PIBF1: variants seen among roughly 807,000 people sequenced by gnomAD.
PIBF1 encodes progesterone-induced-blocking factor 1.
PIBF1 carries 90 observed loss-of-function variants against 112.5 expected under a neutral mutation model. That is an observed-to-expected ratio of 0.80 (90% CI 0.67 to 0.95). The LOEUF (loss-of-function observed/expected upper bound fraction) is 0.95, where lower values mean the gene tolerates loss of function less well. Among genes scored for constraint, PIBF1 ranks in the 40% least tolerant of loss-of-function variants. The probability of loss-of-function intolerance (pLI) is 0.00; values close to 1 mark genes in which losing one functional copy is unlikely to be tolerated. For synonymous variants in PIBF1, 301 were observed against 288.6 expected (o/e 1.04, Z -0.44); for missense variants, 915 against 852.3 (o/e 1.07, Z -0.92).
At chr13:72,951,341 T>C (rs1335696709) in intron 14 of PIBF1, among the ~76,000 whole-genome samples, 1 of 152,230 alleles carries the variant, frequency 6.6e-6, no homozygotes, top group Non-Finnish European at 1.5e-5. Context: ...AATCTCAGCT[T>C]TGGCAATTAC....
intron 6 of PIBF1, among the ~76,000 whole-genome samples, chr13:72,823,628 T>C (rs1455045795): frequency 6.6e-6 from 1 of 152,294 alleles, no homozygotes; most frequent in Non-Finnish European, 1.5e-5. Flanking sequence ...GGATGTTAAT[T>C]GTGTCATTAT....
chr13:72,971,206 A>ATG (rs58020080), intron 15 of PIBF1, among the ~76,000 whole-genome samples: 29 of 93,674 alleles, frequency 3.1e-4, no homozygotes, highest in East Asian at 8.4e-4. Context: ...GTGTGTGTGT[A>ATG]TGTGTGTGTG....
At chr13:72,869,785 G>T (rs1010040349) in intron 10 of PIBF1, among the ~76,000 whole-genome samples, 2 of 151,662 alleles carry the variant, frequency 1.3e-5, no homozygotes, top group African/African-American at 4.8e-5. Context: ...GCTAAAGGTT[G>T]TGGCTACTTA....
chr13:72,959,157 GGCTAATTT>G (rs2042537850), intron 14 of PIBF1, among the ~76,000 whole-genome samples: 1 of 151,368 alleles, frequency 6.6e-6, no homozygotes, highest in Admixed American at 6.6e-5. Flanking sequence ...CACCACACCA[GGCTAATTT>G]TTGTATTTTT....
chr13:72,821,337 A>G (rs2138121081), intron 5 of PIBF1, among the ~76,000 whole-genome samples: 1 of 152,324 alleles, frequency 6.6e-6, no homozygotes, highest in East Asian at 1.9e-4. Context: ...AGAACAATGT[A>G]AAGATGTGTT....
intron 15 of PIBF1, among the ~76,000 whole-genome samples, chr13:72,968,404 G>A (rs909543636): frequency 2.6e-5 from 4 of 151,182 alleles, no homozygotes; most frequent in Non-Finnish European, 5.9e-5. Context: ...AGGTTCAAGC[G>A]ATTCTCCTGT....
intron 14 of PIBF1, among the ~76,000 whole-genome samples, chr13:72,950,953 G>A (rs901488053): frequency 6.6e-6 from 1 of 152,216 alleles, no homozygotes; most frequent in Non-Finnish European, 1.5e-5. Context: ...AGTGAGTGCC[G>A]TGGTTTTTAA....
chr13:72,998,738 T>TTAAAAATATTTTAATATTAA (rs1271734906), intron 16 of PIBF1, 84 bp from the exon 17 acceptor site: 12 of 886,594 alleles, frequency 1.4e-5, no homozygotes, highest in Middle Eastern at 6.6e-4. Context: ...TTTCTTCTAC[T>TTAAAAATATTTTAATATTAA]TAAAAATATT....
chr13:72,810,805 A>G (rs2035969806), intron 5 of PIBF1, among the ~76,000 whole-genome samples: 3 of 152,132 alleles, frequency 2.0e-5, no homozygotes. Flanking sequence ...ATTTAGATTC[A>G]TAGCCACCTG....
chr13:72,959,324 C>T (rs1308910255), intron 14 of PIBF1, among the ~76,000 whole-genome samples: 1 of 152,034 alleles, frequency 6.6e-6, no homozygotes, highest in Non-Finnish European at 1.5e-5. Flanking sequence ...TTACATTTTC[C>T]CCAGCAATTG....
intron 12 of PIBF1, among the ~76,000 whole-genome samples, chr13:72,911,430 G>A (rs1255036916): frequency 6.6e-6 from 1 of 152,028 alleles, no homozygotes; most frequent in East Asian, 1.9e-4. Flanking sequence ...AAAAAAAATT[G>A]GACATCTTTA....
chr13:72,994,673 A>T (rs2043590399), intron 16 of PIBF1, among the ~76,000 whole-genome samples: 1 of 152,186 alleles, frequency 6.6e-6, no homozygotes, highest in Non-Finnish European at 1.5e-5. Context: ...AAATGCAAAC[A>T]ATGAGAGCGG....
At chr13:72,965,715 T>C (rs9573073) in intron 15 of PIBF1, among the ~76,000 whole-genome samples, 42,302 of 151,776 alleles carry the variant, frequency 0.28, 6,956 homozygotes, top group East Asian at 0.48. Context: ...GTGGTGTAGA[T>C]TGACCAGAGG....
intron 14 of PIBF1, among the ~76,000 whole-genome samples, chr13:72,951,382 C>T (rs2138855687): frequency 6.6e-6 from 1 of 152,258 alleles, no homozygotes; most frequent in Non-Finnish European, 1.5e-5. Context: ...AGTTTTTTAA[C>T]TTCTTTGGTT....
chr13:73,000,584 G>A (rs2043828608), intron 17 of PIBF1, among the ~76,000 whole-genome samples: 1 of 152,166 alleles, frequency 6.6e-6, no homozygotes, highest in African/African-American at 2.4e-5. Flanking sequence ...TAATCTATAG[G>A]AAGAAAGCAG....
At chr13:72,921,149 C>G (rs2041273896) in intron 13 of PIBF1, among the ~76,000 whole-genome samples, 1 of 152,056 alleles carries the variant, frequency 6.6e-6, no homozygotes, top group South Asian at 2.1e-4. Context: ...GTCACCCAGG[C>G]TGGAGTGCAG....
chr13:72,854,447 A>G (rs905816808), intron 10 of PIBF1, among the ~76,000 whole-genome samples: 2 of 152,182 alleles, frequency 1.3e-5, no homozygotes, highest in Non-Finnish European at 2.9e-5. Context: ...AGTCCTTCTT[A>G]ACTGCTACTA....
chr13:72,863,843 G>A (rs1421443979), intron 10 of PIBF1, among the ~76,000 whole-genome samples: 1 of 152,180 alleles, frequency 6.6e-6, no homozygotes, highest in Non-Finnish European at 1.5e-5. Context: ...TTACGTGTGA[G>A]ATTTCCAAGA....
At chr13:73,011,550 A>G (rs184982795) in intron 17 of PIBF1, among the ~76,000 whole-genome samples, 128 of 152,272 alleles carry the variant, frequency 8.4e-4, no homozygotes, top group African/African-American at 2.8e-3. Context: ...AGCCTAACTG[A>G]CCTGGGAAAA....
Sources: allele counts gnomAD v4.1 joint callset (sites outside exome capture counted in the v4.1 genomes callset), GRCh38; gene constraint gnomAD v4.1.1; transcripts MANE v1.5; gene names NCBI Gene and HGNC (gene_info 2026-07-23, HGNC 2026-07-21).